Variants in MYZAP observed in about 807,000 individuals in gnomAD.
MYZAP encodes the protein myocardial zonula adherens protein.
In MYZAP, 66 loss-of-function variants were observed where a neutral mutation model predicts 69.4. The observed-to-expected ratio is 0.95, with a 90% CI of 0.78 to 1.17. The LOEUF is 1.17. MYZAP is among the 50% of genes most tolerant of loss of function. The pLI is 0.00. For missense variants in MYZAP, 611 were observed against 556.2 expected (o/e 1.10, Z -0.99); for synonymous variants, 256 against 205.9 (o/e 1.24, Z -2.09).
chr15:57,669,628 C>G (rs1479491477), intron 11 of MYZAP, among the ~76,000 whole-genome samples: 1 of 152,238 alleles, frequency 6.6e-6, no homozygotes, highest in African/African-American at 2.4e-5. Flanking sequence ...TGTCTGCTTT[C>G]TATTTTATTG....
At chr15:57,634,946 GTCC>G (rs1367979515) in intron 8 of MYZAP, among the ~76,000 whole-genome samples, 4 of 152,126 alleles carry the variant, frequency 2.6e-5, no homozygotes, top group African/African-American at 9.7e-5. Flanking sequence ...CCACATTATT[GTCC>G]TCCTACAACA....
At chr15:57,648,619 C>A in intron 10 of MYZAP, 1 of 249,054 alleles carries the variant, frequency 4.0e-6, no homozygotes, top group Non-Finnish European at 6.4e-6. Context: ...TGCTGCACTA[C>A]AGACCCAGAT....
Position 57,685,052 on chromosome 15 carries a change from G to A in MYZAP, c.*554G>A, listed in dbSNP as rs567118679. ...CCCAAGCATCTGTGCAGGGTCGTGG[G>A]AGCCACACTGAGAGACTTGTGTGGG... On this transcript the variant is annotated 3_prime_UTR_variant, in exon 13 of 13. Transcript: ENST00000267853. 1 of 152,400 alleles carries A rather than the reference G, an allele frequency of 6.6e-6. No individual in the cohort carries two copies. Among genetic ancestry groups the A allele is most frequent in the South Asian group, 2.1e-4 (1 of 4,830 alleles). The allele number at this position is 152,400 out of a possible 1,614,324, so 9.4% of individuals were successfully genotyped here.
intron 8 of MYZAP, among the ~76,000 whole-genome samples, chr15:57,634,288 G>A (rs1441890532): frequency 6.6e-6 from 1 of 152,124 alleles, no homozygotes; most frequent in Non-Finnish European, 1.5e-5. Context: ...GTGGAGGAAG[G>A]GGAGGAAGTG....
intron 2 of MYZAP, among the ~76,000 whole-genome samples, chr15:57,611,836 C>G (rs1243574851): frequency 6.6e-6 from 1 of 152,130 alleles, no homozygotes; most frequent in Non-Finnish European, 1.5e-5. Context: ...AACACCTGGG[C>G]TCAAGTATTC....
chr15:57,635,882 C>G (rs1379604987), intron 8 of MYZAP, among the ~76,000 whole-genome samples: 3 of 152,200 alleles, frequency 2.0e-5, no homozygotes, highest in African/African-American at 7.2e-5. Flanking sequence ...TTGCTGAGCA[C>G]TGTATTTCAA....
chr15:57,598,538 A>T (rs191936806), intron 1 of MYZAP, among the ~76,000 whole-genome samples: 1 of 152,162 alleles, frequency 6.6e-6, no homozygotes, highest in Non-Finnish European at 1.5e-5. Context: ...CACTCCCCCT[A>T]TGTTTTCCCT....
chr15:57,633,576 C>A (rs2036632940), intron 7 of MYZAP, 37 bp from the exon 8 acceptor site: 3 of 1,590,600 alleles, frequency 1.9e-6, no homozygotes, highest in African/African-American at 1.3e-5. Context: ...CCTCGGTACT[C>A]CATGCCTGTA....
chr15:57,658,802 CTT>C (rs1425305042), intron 10 of MYZAP, among the ~76,000 whole-genome samples: 1 of 152,090 alleles, frequency 6.6e-6, no homozygotes, highest in Admixed American at 6.6e-5. Flanking sequence ...TTTTCATTAG[CTT>C]TTACCATCAT....
chr15:57,654,120 G>A (rs933072951), intron 10 of MYZAP, among the ~76,000 whole-genome samples: 15 of 148,016 alleles, frequency 1.0e-4, no homozygotes, highest in Non-Finnish European at 1.9e-4. Context: ...CATTCATTCT[G>A]ACATGGGTTT....
intron 2 of MYZAP, among the ~76,000 whole-genome samples, chr15:57,606,913 A>C (rs1489085592): frequency 5.3e-5 from 8 of 152,172 alleles, no homozygotes; most frequent in African/African-American, 1.9e-4. Context: ...TTTGGGAGTA[A>C]AAGTCCTAAG....
chr15:57,670,953 A>G (rs1331991896), intron 11 of MYZAP, among the ~76,000 whole-genome samples: 1 of 152,112 alleles, frequency 6.6e-6, no homozygotes, highest in Non-Finnish European at 1.5e-5. Context: ...TTATAAAACC[A>G]TGATACATGA....
At chr15:57,613,083 C>T (rs1374761520) in intron 2 of MYZAP, among the ~76,000 whole-genome samples, 2 of 152,112 alleles carry the variant, frequency 1.3e-5, no homozygotes, top group African/African-American at 4.8e-5. Context: ...AGGCGCCTGC[C>T]ACCACGCCTG....
chr15:57,650,954 G>T (rs1326924929), intron 10 of MYZAP, among the ~76,000 whole-genome samples: 1 of 152,212 alleles, frequency 6.6e-6, no homozygotes, highest in African/African-American at 2.4e-5. Flanking sequence ...AATTGTGATG[G>T]TTTATTAGCA....
At chr15:57,609,124 T>C (rs994116832) in intron 2 of MYZAP, among the ~76,000 whole-genome samples, 3 of 152,194 alleles carry the variant, frequency 2.0e-5, no homozygotes, top group African/African-American at 7.2e-5. Context: ...TGTAGGCACA[T>C]ACACACACAC....
chr15:57,618,103 G>T lies in MYZAP; in HGVS notation c.233G>T (p.Arg78Ile), dbSNP rs2035589260. The change falls in exon 3 of 13, where the codon AGA (arginine) becomes ATA (isoleucine). Residue 78 changes from arginine to isoleucine, a missense_variant. Coordinates refer to ENST00000267853, the MANE Select transcript of MYZAP (RefSeq NM_001018100.5). ...GGTGTTGTTTATGGTGTGGTGCGAA[G>T]ATCAGATCAAAATCAGCAGAAAGAA... ...PQGVVYGVVR[R>I]SDQNQQKEMV... 1.9e-6 allele frequency: 3 copies of T among 1,614,062 alleles called. No homozygotes were observed. In the East Asian group the frequency reaches 6.7e-5, roughly 36 times the overall value.
chr15:57,638,712 G>T (rs1001102030), intron 9 of MYZAP, among the ~76,000 whole-genome samples: 11 of 152,260 alleles, frequency 7.2e-5, no homozygotes, highest in African/African-American at 2.4e-4. Context: ...GATGTGGCTT[G>T]CTCTGTTTGG....
At chr15:57,639,823 A>G (rs2037041138) in intron 10 of MYZAP, among the ~76,000 whole-genome samples, 1 of 152,206 alleles carries the variant, frequency 6.6e-6, no homozygotes, top group Non-Finnish European at 1.5e-5. Flanking sequence ...GGACAGTGAT[A>G]GCCTGAGTGG....
chr15:57,633,567 C>T, intron 7 of MYZAP, 46 bp from the exon 8 acceptor site: 1 of 1,572,666 alleles, frequency 6.4e-7, no homozygotes, highest in Non-Finnish European at 8.6e-7. Context: ...GGTGAGTAGC[C>T]TCGGTACTCC....
Sources: gnomAD v4.1 joint callset for allele counts (sites outside exome capture counted in the v4.1 genomes callset) on GRCh38, gnomAD v4.1.1 for gene constraint, MANE v1.5 for transcripts, NCBI Gene and HGNC (gene_info 2026-07-23, HGNC 2026-07-21) for gene names.